The following GRID2 variants were observed in gnomAD, a reference collection of about 807,000 sequenced individuals.
The protein encoded by GRID2 is glutamate receptor ionotropic, delta-2.
GRID2 carries 33 observed loss-of-function variants against 114.8 expected under a neutral mutation model. The observed-to-expected ratio is 0.29, with a 90% CI of 0.22 to 0.38. The LOEUF is 0.38. Ranked by LOEUF, GRID2 falls within the 10% of genes least tolerant of loss-of-function variation. The pLI is 1.00. For synonymous variants in GRID2, 505 were observed against 449.9 expected, an observed-to-expected ratio of 1.12 and a Z score of -1.55; for missense variants, 1,184 against 1,257.7, an observed-to-expected ratio of 0.94 and a Z score of 0.89.
At chr4:93,382,656 G>A (rs1763967112) in intron 8 of GRID2, among the ~76,000 whole-genome samples, 1 of 151,560 alleles carries the variant, frequency 6.6e-6, no homozygotes, top group African/African-American at 2.4e-5. Context: ...TTTTCTTTTA[G>A]TTCTTTGAGC....
intron 1 of GRID2, among the ~76,000 whole-genome samples, chr4:92,505,308 A>C (rs1324571351): frequency 6.6e-6 from 1 of 152,068 alleles, no homozygotes; most frequent in Non-Finnish European, 1.5e-5. Flanking sequence ...GGCCTGGATT[A>C]AATGGCAACT....
intron 13 of GRID2, among the ~76,000 whole-genome samples, chr4:93,539,476 T>C (rs1220395241): frequency 1.3e-5 from 2 of 152,006 alleles, no homozygotes; most frequent in South Asian, 2.1e-4. Context: ...TTTCTATCGA[T>C]ATGGTAAAAG....
At chr4:93,423,136 A>G (rs1768468512) in intron 10 of GRID2, among the ~76,000 whole-genome samples, 168 bp downstream of exon 10, 2 of 152,262 alleles carry the variant, frequency 1.3e-5, no homozygotes, top group South Asian at 2.1e-4. Context: ...GTCTCACTCA[A>G]TACTATTTTA....
chr4:93,316,340 G>GA (rs879295418), intron 8 of GRID2, among the ~76,000 whole-genome samples: 1,932 of 123,376 alleles, frequency 0.016, 22 homozygotes, highest in Non-Finnish European at 0.022. Context: ...AAGAAAGAAA[G>GA]AAGGAAGGAA....
intron 1 of GRID2, among the ~76,000 whole-genome samples, chr4:92,578,215 C>G (rs1387693971): frequency 6.7e-6 from 1 of 149,432 alleles, no homozygotes; most frequent in East Asian, 2.0e-4. Context: ...TGTGCTGCAC[C>G]CATTGACTTA....
chr4:93,435,908 T>C (rs1177846240), intron 10 of GRID2, among the ~76,000 whole-genome samples: 1 of 152,164 alleles, frequency 6.6e-6, no homozygotes, highest in African/African-American at 2.4e-5. Context: ...CCAGTCTGCA[T>C]ATAGATGAAG....
chr4:92,585,219 A>G (rs939795001), intron 1 of GRID2, among the ~76,000 whole-genome samples: 3 of 151,944 alleles, frequency 2.0e-5, no homozygotes, highest in African/African-American at 7.2e-5. Context: ...TTTGGGGGGT[A>G]GAGAGAGTGA....
intron 1 of GRID2, among the ~76,000 whole-genome samples, chr4:92,454,447 A>G (rs2149081749): frequency 6.6e-6 from 1 of 152,346 alleles, no homozygotes; most frequent in East Asian, 1.9e-4. Context: ...ATGAAGCATA[A>G]ATATAACTAA....
At chr4:93,282,637 G>A (rs540753552) in intron 8 of GRID2, among the ~76,000 whole-genome samples, 1 of 151,938 alleles carries the variant, frequency 6.6e-6, no homozygotes, top group Non-Finnish European at 1.5e-5. Flanking sequence ...TGTTGCATTG[G>A]GGATTAATAT....
intron 2 of GRID2, among the ~76,000 whole-genome samples, chr4:92,918,910 A>G (rs1749055572): frequency 6.6e-6 from 1 of 152,308 alleles, no homozygotes; most frequent in South Asian, 2.1e-4. Context: ...TGATTGTAAT[A>G]CTTTCAGAAG....
chr4:92,757,709 A>G (rs982169083), intron 2 of GRID2, among the ~76,000 whole-genome samples: 5 of 152,110 alleles, frequency 3.3e-5, no homozygotes, highest in Non-Finnish European at 5.9e-5. Flanking sequence ...GAGGAGGAAG[A>G]GTAAGGAAAT....
chr4:93,278,364 C>A (rs1418754867), intron 8 of GRID2, among the ~76,000 whole-genome samples: 1 of 151,490 alleles, frequency 6.6e-6, no homozygotes, highest in Non-Finnish European at 1.5e-5. Context: ...AAGGCAAAGA[C>A]TGAAGTAGTG....
intron 2 of GRID2, among the ~76,000 whole-genome samples, chr4:92,860,666 ATTAGT>A (rs1560646779): frequency 1.3e-5 from 2 of 152,136 alleles, no homozygotes; most frequent in Non-Finnish European, 2.9e-5. Context: ...AGGAAAAGTG[ATTAGT>A]TTATTTATCC....
chr4:93,386,683 T>G, intron 8 of GRID2, among the ~76,000 whole-genome samples: 1 of 152,138 alleles, frequency 6.6e-6, no homozygotes, highest in East Asian at 1.9e-4. Flanking sequence ...GTCTTACTGC[T>G]CAGGGAACCC....
chr4:92,414,225 C>T (rs1731481647), intron 1 of GRID2, among the ~76,000 whole-genome samples: 1 of 152,090 alleles, frequency 6.6e-6, no homozygotes, highest in South Asian at 2.1e-4. Context: ...AAGTTAAAAG[C>T]ATCTTCTCTT....
intron 2 of GRID2, among the ~76,000 whole-genome samples, chr4:93,020,541 G>T (rs1192647508): frequency 6.6e-6 from 1 of 152,140 alleles, no homozygotes; most frequent in Non-Finnish European, 1.5e-5. Flanking sequence ...TAACTTTGCT[G>T]ATCATGAATA....
At chr4:92,803,156 C>A (rs183253984) in intron 2 of GRID2, among the ~76,000 whole-genome samples, 1 of 151,494 alleles carries the variant, frequency 6.6e-6, no homozygotes, top group East Asian at 2.0e-4. Flanking sequence ...TATTTTTTTC[C>A]ATACAAAATT....
intron 4 of GRID2, among the ~76,000 whole-genome samples, chr4:93,151,056 G>A (rs369620018): frequency 2.7e-5 from 4 of 147,358 alleles, no homozygotes; most frequent in East Asian, 4.0e-4. Context: ...CGTGGGATGC[G>A]GAGGTTACAG....
chr4:92,915,909 G>C (rs1388191222), intron 2 of GRID2, among the ~76,000 whole-genome samples: 5 of 152,066 alleles, frequency 3.3e-5, no homozygotes, highest in African/African-American at 1.2e-4. Context: ...TTTTTAATGG[G>C]GTTATTTGTT....
Sources: gnomAD v4.1 joint callset for allele counts (sites outside exome capture counted in the v4.1 genomes callset) on GRCh38, gnomAD v4.1.1 for gene constraint, MANE v1.5 for transcripts, NCBI Gene and HGNC (gene_info 2026-07-23, HGNC 2026-07-21) for gene names.